DNAH8: variants seen among roughly 807,000 people sequenced by gnomAD.
The protein encoded by DNAH8 is dynein axonemal heavy chain 8, also known as axonemal beta dynein heavy chain 8.
DNAH8 carries 382 observed loss-of-function variants against 562.1 expected under a neutral mutation model. The ratio of observed to expected loss-of-function variants is 0.68; its 90% CI spans 0.63 to 0.74. The LOEUF is 0.74. Among genes scored for constraint, DNAH8 ranks in the 30% least tolerant of loss-of-function variants. The pLI is 0.00. For missense variants in DNAH8, 5,203 were observed against 5,620.4 expected (o/e 0.93, Z 2.37); for synonymous variants, 1,881 against 1,919.4 (o/e 0.98, Z 0.52).
At chr6:38,761,903 T>C (rs1431660407) in intron 11 of DNAH8, 100 bp downstream of exon 11, 1 of 595,046 alleles carries the variant, frequency 1.7e-6, no homozygotes. Flanking sequence ...AAAAACTTCC[T>C]ACAGAGTAGT....
chr6:38,734,326 A>G, intron 4 of DNAH8, 148 bp from the exon 5 acceptor site: 4 of 451,106 alleles, frequency 8.9e-6, no homozygotes, highest in African/African-American at 3.1e-5. Flanking sequence ...CTTCTAGTAG[A>G]CCCCCCCCCA....
chr6:38,863,326 A>T (rs1366632079), intron 44 of DNAH8, among the ~76,000 whole-genome samples: 3 of 93,896 alleles, frequency 3.2e-5, no homozygotes, highest in Non-Finnish European at 7.5e-5. Context: ...GCTACTCAGG[A>T]GGCTGAGCTA....
intron 42 of DNAH8, among the ~76,000 whole-genome samples, chr6:38,858,019 G>T (rs187970324): frequency 6.6e-6 from 1 of 152,292 alleles, no homozygotes; most frequent in East Asian, 1.9e-4. Context: ...ATATAATTTA[G>T]GTCATAAGCT....
chr6:38,781,944 T>C (rs2395705), intron 16 of DNAH8, among the ~76,000 whole-genome samples: 18,652 of 152,244 alleles, frequency 0.12, 1,396 homozygotes, highest in Admixed American at 0.22. Flanking sequence ...TTAAATTTTA[T>C]TTAAGAGACA....
At chr6:38,891,971 C>T (rs1480434760) in intron 58 of DNAH8, among the ~76,000 whole-genome samples, 2 of 152,134 alleles carry the variant, frequency 1.3e-5, no homozygotes, top group East Asian at 1.9e-4. Flanking sequence ...TTTCCTCTCC[C>T]TCTTACTTGA....
chr6:38,981,014 C>CT (rs1763996174), intron 85 of DNAH8, among the ~76,000 whole-genome samples: 1 of 139,704 alleles, frequency 7.2e-6, no homozygotes, highest in African/African-American at 2.7e-5. Context: ...ATTGGAATGG[C>CT]TTGTGAAAAC....
intron 18 of DNAH8, among the ~76,000 whole-genome samples, 192 bp downstream of exon 18, chr6:38,787,144 T>C (rs942259628): frequency 3.3e-5 from 5 of 151,936 alleles, no homozygotes; most frequent in Admixed American, 6.6e-5. Flanking sequence ...AAGCAAAAAG[T>C]GAGAAGATTA....
chr6:38,942,722 A>G (rs1020834368), intron 79 of DNAH8, among the ~76,000 whole-genome samples: 29 of 152,352 alleles, frequency 1.9e-4, no homozygotes, highest in African/African-American at 6.3e-4. Context: ...GTCGTAGCTC[A>G]TAGGATACAG....
chr6:38,810,799 G>A (rs1771727625), intron 24 of DNAH8, among the ~76,000 whole-genome samples: 1 of 151,960 alleles, frequency 6.6e-6, no homozygotes, highest in African/African-American at 2.4e-5. Context: ...AAATCTCCAG[G>A]TTCTCATGTA....
In DNAH8 at chr6:38,852,717, C is replaced by A. The variant is rs45519938; in HGVS notation, c.5490C>A (p.Asp1830Glu). 0.013 allele frequency: 20,367 copies of A among 1,613,428 alleles called. 182 individuals carry two copies. The highest frequency in any genetic ancestry group is 0.015 in the Non-Finnish European group (17,526 of 1,179,504). ...AGCCGCATCTCCCTGCAGTATCTGA[C>A]AACATCAATGAGGTGACATTTCATG... is the stretch of plus-strand genomic sequence containing the variant. ...TIQPHLPAVS[D>E]NINEVTFHAK... The change falls in exon 40 of 93, where the codon GAC (aspartate) becomes GAA (glutamate). Residue 1830 changes from aspartate (D) to glutamate (E), a missense_variant. Asp to Glu is a conservative substitution (Grantham distance 45). This residue lies in a region of DNAH8 where 2,176 missense variants were observed against 2,365.1 expected (regional missense o/e 0.92). Transcript: ENST00000327475.
intron 3 of DNAH8, among the ~76,000 whole-genome samples, chr6:38,728,368 T>C (rs1763397437): frequency 6.6e-6 from 1 of 152,224 alleles, no homozygotes; most frequent in African/African-American, 2.4e-5. Context: ...TAAAATGTTA[T>C]GTAATATAAG....
chr6:38,742,157 A>G (rs1373907329), intron 8 of DNAH8, among the ~76,000 whole-genome samples: 1 of 152,212 alleles, frequency 6.6e-6, no homozygotes, highest in Non-Finnish European at 1.5e-5. Context: ...TTGAAATTGT[A>G]AATCAATGAA....
At chr6:38,990,296 T>TAA in intron 88 of DNAH8, 124 bp downstream of exon 88, 1 of 694,582 alleles carries the variant, frequency 1.4e-6, no homozygotes, top group Non-Finnish European at 2.4e-6. Flanking sequence ...CTGTGAAAAA[T>TAA]AGTGTCGCTT....
chr6:38,973,535 T>C (rs1007465311), intron 83 of DNAH8, 126 bp from the exon 84 acceptor site: 12 of 655,760 alleles, frequency 1.8e-5, no homozygotes, highest in Non-Finnish European at 2.7e-5. Flanking sequence ...TATTGACATA[T>C]AATTTTTAAA....
rs766707073 is a variant in DNAH8 at position 38,837,979 on chromosome 6, A to G, written c.4403A>G (p.Tyr1468Cys). 13 of 1,613,444 alleles carry G rather than the reference A, an allele frequency of 8.1e-6. No homozygotes were observed. In the Admixed American group the frequency reaches 1.8e-4, roughly 23 times the overall value. ...FDDLWRKFVT[Y>C]SSGEQLFGLP... ...GATCTGTGGAGGAAATTTGTTACGT[A>G]TTCATCTGGTGAACAACTTTTTGGA... Residue 1468 changes from tyrosine to cysteine, a missense_variant, in exon 33 of 93, where the codon TAT (tyrosine) becomes TGT (cysteine). Around this residue, in one of 6 missense-constraint regions of DNAH8, gnomAD observed 2,176 missense variants for 2,365.1 expected, o/e 0.92. Transcript: ENST00000327475.
intron 11 of DNAH8, among the ~76,000 whole-genome samples, chr6:38,766,897 C>T (rs1767059224): frequency 6.6e-6 from 1 of 151,996 alleles, no homozygotes; most frequent in Non-Finnish European, 1.5e-5. Context: ...AAAAGCAAGT[C>T]TGATAGAAAT....
intron 4 of DNAH8, among the ~76,000 whole-genome samples, chr6:38,731,447 A>G (rs990242594): frequency 2.0e-5 from 3 of 152,194 alleles, no homozygotes; most frequent in African/African-American, 4.8e-5. Flanking sequence ...TAACATCTGC[A>G]TTTTATTTCA....
In DNAH8 at chr6:38,723,380, A is replaced by G; in HGVS notation, c.434A>G (p.Asp145Gly). The part of the protein sequence containing the change: ...EARESRRLKI[D>G]PSYKYIFEIL... ...AGGGAAAGCCGAAGACTGAAAATTG[A>G]CCCTTCATACAAATATATATTTGAA... is the stretch of plus-strand genomic sequence containing the variant. The change falls in exon 3 of 93, where the codon GAC becomes GGC. Residue 145 changes from aspartate (D) to glycine (G), a missense_variant. Physicochemically the swap from Asp to Gly is moderately conservative, Grantham distance 94. Transcript: ENST00000327475. The G allele has an allele frequency of 6.2e-7, 1 of 1,612,024 alleles. No homozygotes were observed. Among genetic ancestry groups the G allele is most frequent in the Non-Finnish European group, 8.5e-7 (1 of 1,179,722 alleles).
At chr6:38,940,398 A>G (rs925739451) in intron 79 of DNAH8, among the ~76,000 whole-genome samples, 4 of 152,116 alleles carry the variant, frequency 2.6e-5, no homozygotes, top group Non-Finnish European at 5.9e-5. Context: ...GGAGGGTTGG[A>G]GTGGGGGATT....
Sources: gnomAD v4.1 joint callset for allele counts (sites outside exome capture counted in the v4.1 genomes callset) on GRCh38, gnomAD v4.1.1 for gene constraint, gnomAD v4.1.1 regional missense constraint, MANE v1.5 for transcripts, NCBI Gene and HGNC (gene_info 2026-07-23, HGNC 2026-07-21) for gene names.